PEBP4: variants seen among roughly 807,000 people sequenced by gnomAD.
The protein encoded by PEBP4 is phosphatidylethanolamine-binding protein 4.
Under a neutral mutation model 23.9 loss-of-function variants are expected in PEBP4, and 22 were observed. The observed-to-expected ratio is 0.92, with a 90% CI of 0.66 to 1.31. The LOEUF is 1.31. Ranked by LOEUF, PEBP4 falls within the 40% of genes most tolerant of loss-of-function variation. The pLI is 0.00. For synonymous variants in PEBP4, 112 were observed against 99.3 expected (o/e 1.13, Z -0.76); for missense variants, 324 against 281.7 (o/e 1.15, Z -1.07).
chr8:22,774,691 T>C (rs1805780753), intron 4 of PEBP4, among the ~76,000 whole-genome samples: 1 of 152,166 alleles, frequency 6.6e-6, no homozygotes, highest in African/African-American at 2.4e-5. Flanking sequence ...GACTCTCATT[T>C]TGGAGGTGCA....
At chr8:22,743,226 G>C (rs1805036404) in intron 4 of PEBP4, among the ~76,000 whole-genome samples, 1 of 152,148 alleles carries the variant, frequency 6.6e-6, no homozygotes, top group African/African-American at 2.4e-5. Context: ...GTGAGAGTGA[G>C]GCCTGCCTGA....
chr8:22,909,819 T>C (rs184016767), intron 3 of PEBP4, among the ~76,000 whole-genome samples: 1 of 152,358 alleles, frequency 6.6e-6, no homozygotes, highest in Admixed American at 6.5e-5. Context: ...GCTGGGTGGC[T>C]GCAAGGCTTA....
chr8:22,884,873 T>C (rs1352405718), intron 3 of PEBP4: 1 of 152,198 alleles, frequency 6.6e-6, no homozygotes, highest in South Asian at 2.1e-4. Flanking sequence ...TCCCCTTTAA[T>C]CTCTGCTCAT....
intron 4 of PEBP4, among the ~76,000 whole-genome samples, chr8:22,755,070 G>A (rs1259834231): frequency 6.6e-6 from 1 of 152,180 alleles, no homozygotes; most frequent in Admixed American, 6.5e-5. Context: ...GGGCCCAAGA[G>A]GCCATTATTC....
intron 6 of PEBP4, among the ~76,000 whole-genome samples, chr8:22,714,057 C>T (rs766691416): frequency 1.6e-4 from 25 of 152,268 alleles, no homozygotes; most frequent in Non-Finnish European, 3.2e-4. Flanking sequence ...AACACCTCCT[C>T]GTCTCTGTCC....
rs35759089 is a variant in PEBP4, at chr8:22,871,552, A to ATTTTTT, written c.258+48626_258+48631dup. On this transcript the variant is annotated intron_variant, in intron 3 of 6. Transcript: ENST00000256404. ...AAGTTCTTTAGCAGTGATTTCTGGG[A>ATTTTTT]TTTTTTTTTTTTTTTTTTTTTAAGA... is the stretch of plus-strand genomic sequence containing the variant. 4.3e-5 allele frequency among the ~76,000 whole-genome samples: 5 copies of ATTTTTT among 115,288 alleles called. 1 individual carries two copies. Among genetic ancestry groups the ATTTTTT allele is most frequent in the South Asian group, 5.9e-4 (2 of 3,418 alleles). 75.6% of individuals were successfully genotyped at this position (115,288 alleles called of 152,430 possible). A position where few individuals can be genotyped will look rare whatever the true frequency, so the allele number is the denominator to read the frequency against.
chr8:22,844,609 C>G (rs1486041830), intron 3 of PEBP4, among the ~76,000 whole-genome samples: 2 of 152,176 alleles, frequency 1.3e-5, no homozygotes, highest in Non-Finnish European at 2.9e-5. Context: ...ACTGTGTTCT[C>G]TTTTCTCTCT....
At chr8:22,861,171 T>C (rs890801156) in intron 3 of PEBP4, among the ~76,000 whole-genome samples, 15 of 152,186 alleles carry the variant, frequency 9.9e-5, no homozygotes. Context: ...GGGCCTCAGG[T>C]TTTGATTCCA....
intron 4 of PEBP4, among the ~76,000 whole-genome samples, chr8:22,795,178 T>TAA (rs1652774155): frequency 1.1e-5 from 1 of 88,248 alleles, no homozygotes; most frequent in Non-Finnish European, 2.2e-5. Flanking sequence ...TTTTTTTTTT[T>TAA]TTTTTTTTTT....
At chr8:22,795,713 T>C (rs866636445) in intron 4 of PEBP4, among the ~76,000 whole-genome samples, 1 of 152,252 alleles carries the variant, frequency 6.6e-6, no homozygotes, top group Non-Finnish European at 1.5e-5. Flanking sequence ...TGTGAACTTA[T>C]GATGTATCTC....
intron 3 of PEBP4, among the ~76,000 whole-genome samples, chr8:22,831,981 T>A (rs1242271220): frequency 2.0e-5 from 3 of 149,398 alleles, no homozygotes; most frequent in Non-Finnish European, 3.0e-5. Context: ...AGGGGAGGAG[T>A]AGGGCTGACA....
intron 3 of PEBP4, among the ~76,000 whole-genome samples, chr8:22,820,695 C>T (rs1039081876): frequency 9.9e-5 from 15 of 152,088 alleles, no homozygotes; most frequent in African/African-American, 3.6e-4. Flanking sequence ...TCTCTAGGTA[C>T]TTGGTAAGGG....
chr8:22,765,871 T>G (rs1805603538), intron 4 of PEBP4, among the ~76,000 whole-genome samples: 1 of 117,654 alleles, frequency 8.5e-6, no homozygotes, highest in African/African-American at 3.3e-5. Context: ...ATCACCACCA[T>G]TCATGGATCA....
chr8:22,796,889 C>A (rs975512591), intron 4 of PEBP4, among the ~76,000 whole-genome samples: 1 of 151,906 alleles, frequency 6.6e-6, no homozygotes, highest in Non-Finnish European at 1.5e-5. Context: ...ACAGACTTCA[C>A]CCTTACACAA....
At chr8:22,889,459 G>A (rs1457882462) in intron 3 of PEBP4, among the ~76,000 whole-genome samples, 1 of 152,178 alleles carries the variant, frequency 6.6e-6, no homozygotes, top group East Asian at 1.9e-4. Flanking sequence ...AAGGCTCCGG[G>A]GAGCTCAGAG....
At chr8:22,744,887 G>A (rs1805080238) in intron 4 of PEBP4, 1 of 152,260 alleles carries the variant, frequency 6.6e-6, no homozygotes, top group Non-Finnish European at 1.5e-5. Context: ...AGAGAGGGTA[G>A]CGTTTGCAGA....
chr8:22,908,769 G>T (rs144706065), intron 3 of PEBP4, among the ~76,000 whole-genome samples: 2 of 152,298 alleles, frequency 1.3e-5, no homozygotes, highest in African/African-American at 4.8e-5. Context: ...AGGTGAATAT[G>T]GGACTGACAG....
intron 3 of PEBP4, among the ~76,000 whole-genome samples, chr8:22,869,044 C>T (rs1245516761): frequency 6.6e-6 from 1 of 152,236 alleles, no homozygotes; most frequent in Non-Finnish European, 1.5e-5. Context: ...CTCATTCCAG[C>T]CACACTGGCC....
chr8:22,758,874 G>A (rs1805445442), intron 4 of PEBP4, among the ~76,000 whole-genome samples: 1 of 152,196 alleles, frequency 6.6e-6, no homozygotes, highest in African/African-American at 2.4e-5. Context: ...GGAAGGGAGA[G>A]GCCCCCAGGC....
Sources: allele counts gnomAD v4.1 joint callset (sites outside exome capture counted in the v4.1 genomes callset), GRCh38; gene constraint gnomAD v4.1.1; transcripts MANE v1.5; gene names NCBI Gene and HGNC (gene_info 2026-07-23, HGNC 2026-07-21).